Variants in SETBP1 observed in about 807,000 individuals in gnomAD.
SETBP1 encodes the protein SET binding protein 1.
SETBP1 carries 9 observed loss-of-function variants against 101.0 expected under a neutral mutation model. The observed-to-expected ratio is 0.09, with a 90% CI of 0.05 to 0.16. The LOEUF (loss-of-function observed/expected upper bound fraction) is 0.16, where lower values mean the gene tolerates loss of function less well. Among genes scored for constraint, SETBP1 ranks in the 10% least tolerant of loss-of-function variants. The pLI, the probability that SETBP1 is intolerant of heterozygous loss-of-function variation, is 1.00. For missense variants in SETBP1, 1,858 were observed against 2,033.8 expected (o/e 0.91, Z 1.66); for synonymous variants, 818 against 788.5 (o/e 1.04, Z -0.63).
At chr18:44,690,419 A>T (rs2068910394) in intron 1 of SETBP1, among the ~76,000 whole-genome samples, 1 of 152,254 alleles carries the variant, frequency 6.6e-6, no homozygotes, top group African/African-American at 2.4e-5. Context: ...ACGGTTGAGA[A>T]GTCAAGGAAT....
In SETBP1 at chr18:44,885,676, C is replaced by T. The variant is rs182502195; in HGVS notation, c.540+16393C>T. Among the ~76,000 whole-genome samples the T allele has an allele frequency of 3.3e-5, 5 of 151,676 alleles. No homozygotes were observed. In the East Asian group the frequency reaches 9.7e-4, roughly 29 times the overall value. On this transcript the variant is annotated intron_variant, in intron 3 of 5. Coordinates refer to ENST00000649279, the MANE Select transcript of SETBP1 (RefSeq NM_015559.3). ...GTTGAACAGCTGTAACCTTAGACCTCGGAAAGTAAACATTTCACAACTGAT... is the reference window on the plus strand; with the variant it reads ...GTTGAACAGCTGTAACCTTAGACCTTGGAAAGTAAACATTTCACAACTGAT...
chr18:44,966,132 G>A (rs1438630491), intron 4 of SETBP1, among the ~76,000 whole-genome samples: 1 of 152,228 alleles, frequency 6.6e-6, no homozygotes, highest in East Asian at 1.9e-4. Context: ...TATGAAGGCA[G>A]CCATAAGTAA....
At chr18:45,024,616 A>G (rs2073129482) in intron 4 of SETBP1, among the ~76,000 whole-genome samples, 1 of 152,194 alleles carries the variant, frequency 6.6e-6, no homozygotes, top group African/African-American at 2.4e-5. Flanking sequence ...CTTCCCTTTT[A>G]TCTTAACTCG....
At chr18:44,899,812 CA>C (rs2069998648) in intron 3 of SETBP1, among the ~76,000 whole-genome samples, 2 of 151,826 alleles carry the variant, frequency 1.3e-5, no homozygotes, top group African/African-American at 4.8e-5. Flanking sequence ...TGACAAAATA[CA>C]AAAATATATA....
intron 5 of SETBP1, among the ~76,000 whole-genome samples, chr18:45,050,935 T>C (rs1441233929): frequency 6.6e-6 from 1 of 152,218 alleles, no homozygotes; most frequent in East Asian, 1.9e-4. Flanking sequence ...GAAATCTAGT[T>C]TTGTTAGTGC....
At chr18:44,923,172 T>G (rs112086822) in intron 3 of SETBP1, among the ~76,000 whole-genome samples, 1 of 117,718 alleles carries the variant, frequency 8.5e-6, no homozygotes, top group African/African-American at 2.7e-5. Context: ...TGAGGAAACA[T>G]AGAGAGATGA....
At chr18:44,693,967 G>A (rs919049488) in intron 1 of SETBP1, among the ~76,000 whole-genome samples, 4 of 152,190 alleles carry the variant, frequency 2.6e-5, no homozygotes, top group Non-Finnish European at 5.9e-5. Flanking sequence ...GTGGAAGAAG[G>A]GCATTGACTT....
At chr18:44,769,629 A>T (rs2070831434) in intron 2 of SETBP1, among the ~76,000 whole-genome samples, 1 of 152,182 alleles carries the variant, frequency 6.6e-6, no homozygotes, top group Non-Finnish European at 1.5e-5. Context: ...ACTTGTTGAG[A>T]ATGGAGAGTA....
intron 2 of SETBP1, among the ~76,000 whole-genome samples, chr18:44,759,224 C>T (rs1156252178): frequency 1.3e-5 from 2 of 152,136 alleles, no homozygotes; most frequent in Non-Finnish European, 2.9e-5. Flanking sequence ...CGATTTTACC[C>T]ATAGTGGTCC....
At chr18:44,938,582 G>A (rs1368338747) in intron 3 of SETBP1, among the ~76,000 whole-genome samples, 1 of 152,222 alleles carries the variant, frequency 6.6e-6, no homozygotes, top group Non-Finnish European at 1.5e-5. Context: ...GATCTCACAT[G>A]ATTTACAGAG....
chr18:44,734,596 A>G (rs1304038806), intron 2 of SETBP1, among the ~76,000 whole-genome samples: 2 of 152,084 alleles, frequency 1.3e-5, no homozygotes, highest in Non-Finnish European at 2.9e-5. Context: ...TTCTGTTTAC[A>G]TTGCTCTGAC....
intron 5 of SETBP1, among the ~76,000 whole-genome samples, chr18:45,044,494 C>A (rs1015205233): frequency 6.6e-6 from 1 of 152,186 alleles, no homozygotes; most frequent in African/African-American, 2.4e-5. Flanking sequence ...CCATCACACA[C>A]CAAAAGCCTT....
intron 4 of SETBP1, among the ~76,000 whole-genome samples, chr18:45,021,011 G>T (rs1030306953): frequency 4.6e-5 from 7 of 152,088 alleles, no homozygotes; most frequent in African/African-American, 1.7e-4. Flanking sequence ...CCCTTTCTTG[G>T]TTATTATACC....
At chr18:44,786,378 T>C (rs186856676) in intron 2 of SETBP1, among the ~76,000 whole-genome samples, 1 of 152,326 alleles carries the variant, frequency 6.6e-6, no homozygotes, top group Non-Finnish European at 1.5e-5. Context: ...CACACAGAAA[T>C]GCAAATATGT....
At chr18:44,971,182 A>G (rs1041872333) in intron 4 of SETBP1, among the ~76,000 whole-genome samples, 2 of 152,088 alleles carry the variant, frequency 1.3e-5, no homozygotes, top group Non-Finnish European at 2.9e-5. Context: ...AGCTTCATCC[A>G]TGTCCCTACA....
intron 3 of SETBP1, among the ~76,000 whole-genome samples, chr18:44,873,896 C>T (rs751539683): frequency 6.6e-6 from 1 of 152,072 alleles, no homozygotes; most frequent in Non-Finnish European, 1.5e-5. Flanking sequence ...CTAAAAAAGC[C>T]CACATTTGTA....
chr18:44,827,764 GAAA>G (rs1411309812), intron 2 of SETBP1, among the ~76,000 whole-genome samples: 1 of 152,210 alleles, frequency 6.6e-6, no homozygotes, highest in Non-Finnish European at 1.5e-5. Flanking sequence ...TATAGTCTCT[GAAA>G]ATGGCACAGG....
chr18:44,699,018 A>G (rs1208138915), intron 1 of SETBP1, among the ~76,000 whole-genome samples: 1 of 152,210 alleles, frequency 6.6e-6, no homozygotes, highest in African/African-American at 2.4e-5. Flanking sequence ...TTCAGTGTAT[A>G]AGCCCATCAA....
chr18:44,791,859 G>A (rs773086230), intron 2 of SETBP1, among the ~76,000 whole-genome samples: 77 of 152,226 alleles, frequency 5.1e-4, no homozygotes, highest in Non-Finnish European at 8.8e-4. Flanking sequence ...TGAGGCGGCC[G>A]CTTAATTGCC....
Sources: allele counts gnomAD v4.1 joint callset (sites outside exome capture counted in the v4.1 genomes callset), GRCh38; gene constraint gnomAD v4.1.1; transcripts MANE v1.5; gene names NCBI Gene and HGNC (gene_info 2026-07-23, HGNC 2026-07-21).